The following SMARCAD1 variants were observed in gnomAD, a reference collection of about 807,000 sequenced individuals.
SMARCAD1 encodes SNF2 related chromatin remodeling ATPase with DExD box 1.
SMARCAD1 carries 25 observed loss-of-function variants against 127.1 expected under a neutral mutation model. The ratio of observed to expected loss-of-function variants is 0.20; its 90% CI spans 0.14 to 0.27. SMARCAD1 has a LOEUF of 0.27. SMARCAD1 is among the 10% of genes least tolerant of loss of function. SMARCAD1 has a pLI of 1.00. For synonymous variants in SMARCAD1, 400 were observed against 396.9 expected (o/e 1.01, Z -0.09); for missense variants, 807 against 1,206.0 (o/e 0.67, Z 4.90).
chr4:94,265,871 TAGC>T (rs1751670013), intron 10 of SMARCAD1, among the ~76,000 whole-genome samples: 1 of 152,058 alleles, frequency 6.6e-6, no homozygotes, highest in South Asian at 2.1e-4. Flanking sequence ...AGGTTAAGAT[TAGC>T]AGTAGGATCT....
At chr4:94,269,134 T>G (rs1297885384) in intron 10 of SMARCAD1, among the ~76,000 whole-genome samples, 1 of 152,208 alleles carries the variant, frequency 6.6e-6, no homozygotes, top group Non-Finnish European at 1.5e-5. Context: ...TGGGAAATGT[T>G]TTATAAGTTG....
chr4:94,256,598 G>T (rs896109886), intron 9 of SMARCAD1, among the ~76,000 whole-genome samples: 1 of 152,138 alleles, frequency 6.6e-6, no homozygotes, highest in Non-Finnish European at 1.5e-5. Context: ...GCTGACCTCA[G>T]GTGATCCACC....
intron 2 of SMARCAD1, among the ~76,000 whole-genome samples, chr4:94,224,801 T>A (rs995903562): frequency 6.6e-6 from 1 of 152,218 alleles, no homozygotes; most frequent in Admixed American, 6.5e-5. Context: ...CTCTCAGGGT[T>A]TATTTCTCTC....
chr4:94,226,414 TG>T, intron 3 of SMARCAD1, 118 bp downstream of exon 3: 2 of 749,582 alleles, frequency 2.7e-6, no homozygotes, highest in Non-Finnish European at 4.3e-6. Flanking sequence ...TTTTTTTTTT[TG>T]CCCCACCTGC....
chr4:94,215,999 C>T (rs1560510820), intron 2 of SMARCAD1, among the ~76,000 whole-genome samples: 1 of 152,116 alleles, frequency 6.6e-6, no homozygotes, highest in Non-Finnish European at 1.5e-5. Context: ...AACCGGGTAG[C>T]TTATAAGCAA....
chr4:94,286,168 G>C (rs1754910158), intron 23 of SMARCAD1, among the ~76,000 whole-genome samples: 1 of 152,110 alleles, frequency 6.6e-6, no homozygotes, highest in African/African-American at 2.4e-5. Context: ...AGAGAGGTAG[G>C]GAGAGAGGTG....
intron 5 of SMARCAD1, among the ~76,000 whole-genome samples, chr4:94,238,285 A>G (rs1271146065): frequency 6.6e-6 from 1 of 152,096 alleles, no homozygotes; most frequent in East Asian, 1.9e-4. Context: ...TCTATTTATT[A>G]ATAGCTGTGT....
At chr4:94,275,947 A>G (rs1049324948) in intron 14 of SMARCAD1, among the ~76,000 whole-genome samples, 1 of 151,588 alleles carries the variant, frequency 6.6e-6, no homozygotes, top group Non-Finnish European at 1.5e-5. Flanking sequence ...ACAGGCGCCC[A>G]CCACCACACC....
intron 5 of SMARCAD1, among the ~76,000 whole-genome samples, chr4:94,238,859 C>A (rs1022871198): frequency 6.6e-6 from 1 of 152,128 alleles, no homozygotes; most frequent in Non-Finnish European, 1.5e-5. Context: ...ATTAATTTCA[C>A]AAATATTTAT....
chr4:94,288,425 A>G (rs1405576962), intron 23 of SMARCAD1, among the ~76,000 whole-genome samples: 1 of 152,028 alleles, frequency 6.6e-6, no homozygotes, highest in African/African-American at 2.4e-5. Flanking sequence ...ATCAGTTTAT[A>G]TAGTAATTTA....
In SMARCAD1 at chr4:94,268,148, A is replaced by G. The variant is rs188300949; in HGVS notation, c.1482-2580A>G. ...ATTAATACTTTATATTTTTATAACAAATATTTCAATGTAATAAAACCATTT... is the reference window on the plus strand; with the variant it reads ...ATTAATACTTTATATTTTTATAACAGATATTTCAATGTAATAAAACCATTT... On this transcript the variant is annotated intron_variant, in intron 10 of 23. Transcript: ENST00000354268. Among the ~76,000 whole-genome samples the G allele has an allele frequency of 8.1e-4, 123 of 152,306 alleles. 2 individuals are homozygous for G. The highest frequency in any genetic ancestry group is 6.2e-4 in the Non-Finnish European group (42 of 68,012).
In SMARCAD1 at chr4:94,249,667, A is replaced by AATT. The variant is rs1560538505; in HGVS notation, c.719_720insATT (p.Asn240delinsLysPhe). ...TCTCCCCATTAGGGAGAGGAATCAA[A>AATT]TGAGTCTGCAGAATCTAGCAGTAAT... is the stretch of plus-strand genomic sequence containing the variant. On this transcript the variant is annotated protein_altering_variant, in exon 7 of 24. Coordinates refer to ENST00000354268, the MANE Select transcript of SMARCAD1 (RefSeq NM_020159.5). 1 of 1,595,680 alleles carries AATT rather than the reference A, an allele frequency of 6.3e-7. No individual in the cohort carries two copies.
At chr4:94,236,851 TGTCA>T in intron 4 of SMARCAD1, 97 bp from the exon 5 acceptor site, 2 of 928,874 alleles carry the variant, frequency 2.2e-6, no homozygotes, top group Admixed American at 3.7e-5. Context: ...CATACTTTCC[TGTCA>T]TGTTTATATT....
chr4:94,227,255 A>T (rs1745170896), intron 3 of SMARCAD1, among the ~76,000 whole-genome samples: 1 of 152,144 alleles, frequency 6.6e-6, no homozygotes, highest in Admixed American at 6.6e-5. Flanking sequence ...AGTGTAAAGG[A>T]TGAGATGAAG....
chr4:94,233,281 A>G (rs755536894), intron 3 of SMARCAD1, among the ~76,000 whole-genome samples: 1 of 152,208 alleles, frequency 6.6e-6, no homozygotes, highest in Non-Finnish European at 1.5e-5. Flanking sequence ...AGTGCCTACC[A>G]TGTTTGAAAA....
chr4:94,237,583 C>T (rs974343300), intron 5 of SMARCAD1, among the ~76,000 whole-genome samples: 3 of 151,868 alleles, frequency 2.0e-5, no homozygotes, highest in Non-Finnish European at 4.4e-5. Flanking sequence ...TCATTAACCA[C>T]CCTTAAATTA....
In SMARCAD1 at chr4:94,281,546, G is replaced by T. The variant is rs138356072; in HGVS notation, c.2682G>T (p.Gln894His). 1 of 1,613,162 alleles carries T rather than the reference G, an allele frequency of 6.2e-7. No homozygotes were observed. Among genetic ancestry groups the T allele is most frequent in the African/African-American group, 1.3e-5 (1 of 74,984 alleles). ...DILEVLLKHH[Q>H]HRYLRLDGKT... ...TAGAGGTTCTATTAAAACATCATCAGCATAGGTACCTCAGATTAGATGGAA... is the reference window on the plus strand; with the variant it reads ...TAGAGGTTCTATTAAAACATCATCATCATAGGTACCTCAGATTAGATGGAA... Residue 894 changes from glutamine (Q) to histidine (H), a missense_variant, in exon 21 of 24, where the codon CAG (glutamine) becomes CAT (histidine). Physicochemically the swap from Gln to His is conservative, Grantham distance 24. Transcript: ENST00000354268.
At position 94,267,628 on chromosome 4, in the gene SMARCAD1, T is replaced by C. The variant is rs1324979436; in HGVS notation, c.1481+2722T>C. Among the ~76,000 whole-genome samples the C allele has an allele frequency of 5.9e-5, 9 of 152,276 alleles. No homozygotes were observed. The South Asian group carries it at 8.3e-4, about 14-fold the overall frequency. On this transcript the variant is annotated intron_variant, in intron 10 of 23. Transcript: ENST00000354268. The stretch of plus-strand genomic sequence containing the variant: ...GTAACTCTGGAGGGAATTTTTTTTT[T>C]CCCCTAACAAAACAATAACTTCAAA...
chr4:94,289,395 G>T, intron 23 of SMARCAD1, 78 bp from the exon 24 acceptor site: 1 of 1,321,862 alleles, frequency 7.6e-7, no homozygotes, highest in Non-Finnish European at 1.1e-6. Context: ...ATTCACCAAA[G>T]AAAAAAAATA....
Sources: allele counts gnomAD v4.1 joint callset (sites outside exome capture counted in the v4.1 genomes callset), GRCh38; gene constraint gnomAD v4.1.1; transcripts MANE v1.5; gene names NCBI Gene and HGNC (gene_info 2026-07-23, HGNC 2026-07-21).